Variants in PANX1 observed in about 807,000 individuals in gnomAD.
PANX1 encodes pannexin-1.
A neutral mutation model predicts 38.7 loss-of-function variants in PANX1; 30 were observed. That is an observed-to-expected ratio of 0.78 (90% CI 0.58 to 1.05). The LOEUF is 1.05. PANX1 is among the 50% of genes least tolerant of loss of function. The pLI, the probability that PANX1 is intolerant of heterozygous loss-of-function variation, is 0.00. For synonymous variants in PANX1, 230 were observed against 212.2 expected (o/e 1.08, Z -0.73); for missense variants, 551 against 517.2 (o/e 1.07, Z -0.63).
chr11:94,163,479 G>C (rs528136044), intron 2 of PANX1, among the ~76,000 whole-genome samples: 13 of 152,284 alleles, frequency 8.5e-5, no homozygotes, highest in Non-Finnish European at 1.5e-4. Flanking sequence ...CTATGGAAAT[G>C]ATCATATGCT....
In PANX1 at chr11:94,179,817, G is replaced by A. The variant is rs1237929011; in HGVS notation, c.761G>A (p.Arg254Lys). Residue 254 changes from arginine to lysine, a missense_variant, in exon 4 of 5, where the codon AGA becomes AAA. Coordinates refer to ENST00000227638, the MANE Select transcript of PANX1 (RefSeq NM_015368.4). ...FVCSIKSGILRNDSTVPDQFQ... is the reference protein window; with the variant it reads ...FVCSIKSGILKNDSTVPDQFQ... ...TGCAGCATCAAATCAGGGATCCTGA[G>A]AAACGACAGCACCGTGCCCGATCAG... 5 of 1,614,056 alleles carry A rather than the reference G, an allele frequency of 3.1e-6. No individual in the cohort carries two copies. The highest frequency in any genetic ancestry group is 4.2e-6 in the Non-Finnish European group (5 of 1,180,046).
chr11:94,139,796 A>T (rs2134479277), intron 1 of PANX1, among the ~76,000 whole-genome samples: 1 of 152,342 alleles, frequency 6.6e-6, no homozygotes, highest in East Asian at 1.9e-4. Context: ...ATGGGGACAG[A>T]AGCTCCTTCA....
intron 2 of PANX1, among the ~76,000 whole-genome samples, chr11:94,156,546 A>T (rs1038937371): frequency 2.0e-5 from 3 of 152,164 alleles, no homozygotes; most frequent in Admixed American, 2.0e-4. Context: ...TCTAGCTCCC[A>T]TAGGGACAAG....
At chr11:94,155,127 G>C (rs1946933479) in intron 2 of PANX1, among the ~76,000 whole-genome samples, 1 of 152,080 alleles carries the variant, frequency 6.6e-6, no homozygotes, top group Non-Finnish European at 1.5e-5. Flanking sequence ...GAGGCAAGCG[G>C]ATCACTTGAG....
chr11:94,162,790 T>C (rs1176111104), intron 2 of PANX1, among the ~76,000 whole-genome samples: 2 of 152,066 alleles, frequency 1.3e-5, no homozygotes, highest in Non-Finnish European at 2.9e-5. Flanking sequence ...ATGCAGAAAT[T>C]ACCTGTCTTC....
intron 1 of PANX1, among the ~76,000 whole-genome samples, chr11:94,142,140 G>A (rs1946769461): frequency 6.6e-6 from 1 of 152,186 alleles, no homozygotes; most frequent in African/African-American, 2.4e-5. Flanking sequence ...CAAGCTCACA[G>A]CCCAGCTCAG....
Position 94,129,182 on chromosome 11 carries a change from G to A in PANX1, c.-131G>A, listed in dbSNP as rs1946593119. The A allele has an allele frequency of 3.0e-6, 2 of 667,106 alleles. No homozygotes were observed. Among genetic ancestry groups the A allele is most frequent in the Non-Finnish European group, 4.9e-6 (2 of 411,986 alleles). 41.3% of individuals were successfully genotyped at this position (667,106 alleles called of 1,614,324 possible). A position where few individuals can be genotyped will look rare whatever the true frequency, so the allele number is the denominator to read the frequency against. On this transcript the variant is annotated 5_prime_UTR_variant, in exon 1 of 5. Transcript: ENST00000227638. ...CTGAGGCACCGAGACACAAAGGCAG[G>A]CGGGATGCGGGAGCAGGCAAAGGGA...
chr11:94,164,516 G>A (rs1173926054), intron 2 of PANX1, among the ~76,000 whole-genome samples: 1 of 152,100 alleles, frequency 6.6e-6, no homozygotes, highest in Non-Finnish European at 1.5e-5. Flanking sequence ...AGTTTCTCTT[G>A]TCATTGATTT....
At chr11:94,162,192 T>C (rs12796987) in intron 2 of PANX1, among the ~76,000 whole-genome samples, 1 of 152,180 alleles carries the variant, frequency 6.6e-6, no homozygotes, top group Non-Finnish European at 1.5e-5. Context: ...AGGCAGTCTG[T>C]CCATTCTCAG....
At chr11:94,139,766 G>A (rs1172492680) in intron 1 of PANX1, among the ~76,000 whole-genome samples, 1 of 152,202 alleles carries the variant, frequency 6.6e-6, no homozygotes, top group Non-Finnish European at 1.5e-5. Context: ...CACGCTGGGA[G>A]GGTTGTGCAT....
intron 1 of PANX1, among the ~76,000 whole-genome samples, chr11:94,135,787 C>T (rs184710206): frequency 6.6e-6 from 1 of 152,332 alleles, no homozygotes; most frequent in Non-Finnish European, 1.5e-5. Flanking sequence ...CTTTGTGCAG[C>T]CTTATTGCTG....
intron 1 of PANX1, among the ~76,000 whole-genome samples, chr11:94,150,717 C>T (rs1320384356): frequency 6.6e-6 from 1 of 152,164 alleles, no homozygotes; most frequent in Admixed American, 6.5e-5. Context: ...CCCCTCCCTG[C>T]CTGGCTCTTG....
At chr11:94,163,480 A>T (rs546619851) in intron 2 of PANX1, among the ~76,000 whole-genome samples, 1 of 152,326 alleles carries the variant, frequency 6.6e-6, no homozygotes, top group East Asian at 1.9e-4. Context: ...TATGGAAATG[A>T]TCATATGCTT....
chr11:94,157,100 G>A (rs1368737656), intron 2 of PANX1, among the ~76,000 whole-genome samples: 2 of 152,012 alleles, frequency 1.3e-5, no homozygotes, highest in African/African-American at 2.4e-5. Context: ...GTGTATATGT[G>A]CCACATTTTC....
intron 2 of PANX1, among the ~76,000 whole-genome samples, chr11:94,167,662 G>A (rs7482084): frequency 0.37 from 56,010 of 151,994 alleles, 10,804 homozygotes; most frequent in African/African-American, 0.45. Context: ...GATTTTTTAC[G>A]TAGAACTGAC....
chr11:94,132,185 T>G (rs2134470722), intron 1 of PANX1, among the ~76,000 whole-genome samples: 1 of 152,340 alleles, frequency 6.6e-6, no homozygotes, highest in African/African-American at 2.4e-5. Flanking sequence ...GATTGTTATG[T>G]GCATGATGCT....
chr11:94,162,866 CCTCT>C (rs1947061891), intron 2 of PANX1, among the ~76,000 whole-genome samples: 1 of 93,902 alleles, frequency 1.1e-5, no homozygotes, highest in Non-Finnish European at 2.1e-5. Context: ...GCTCCACCAA[CCTCT>C]CTTTTTTTTT....
intron 1 of PANX1, among the ~76,000 whole-genome samples, chr11:94,137,714 T>C (rs920447837): frequency 4.6e-5 from 7 of 151,094 alleles, no homozygotes; most frequent in Non-Finnish European, 1.0e-4. Context: ...TTTTAATAAA[T>C]TCTCTATAAA....
chr11:94,143,132 C>T (rs888994311), intron 1 of PANX1, among the ~76,000 whole-genome samples: 2 of 152,200 alleles, frequency 1.3e-5, no homozygotes, highest in Non-Finnish European at 2.9e-5. Context: ...AATTTAAACA[C>T]TCAAGGCCTT....
Sources: allele counts gnomAD v4.1 joint callset (sites outside exome capture counted in the v4.1 genomes callset), GRCh38; gene constraint gnomAD v4.1.1; transcripts MANE v1.5; gene names NCBI Gene and HGNC (gene_info 2026-07-23, HGNC 2026-07-21).